CEP128: variants seen among roughly 807,000 people sequenced by gnomAD.
CEP128 encodes the protein centrosomal protein 128kDa.
Under a neutral mutation model 156.7 loss-of-function variants are expected in CEP128, and 132 were observed. The ratio of observed to expected loss-of-function variants is 0.84; its 90% CI spans 0.73 to 0.97. The LOEUF (loss-of-function observed/expected upper bound fraction) is 0.97, where lower values mean the gene tolerates loss of function less well. Among genes scored for constraint, CEP128 ranks in the 50% least tolerant of loss-of-function variants. The probability of loss-of-function intolerance (pLI) is 0.00; values close to 1 mark genes in which losing one functional copy is unlikely to be tolerated. For synonymous variants in CEP128, 469 were observed against 448.9 expected, an observed-to-expected ratio of 1.04 and a Z score of -0.57; for missense variants, 1,252 against 1,281.9, an observed-to-expected ratio of 0.98 and a Z score of 0.36.
At chr14:80,631,305 T>A (rs1893949770) in intron 19 of CEP128, among the ~76,000 whole-genome samples, 1 of 151,962 alleles carries the variant, frequency 6.6e-6, no homozygotes, top group Non-Finnish European at 1.5e-5. Context: ...CTTTGAAAAC[T>A]ATTACAAGAC....
At chr14:80,619,519 G>A (rs1893382043) in intron 19 of CEP128, among the ~76,000 whole-genome samples, 1 of 151,522 alleles carries the variant, frequency 6.6e-6, no homozygotes, top group Non-Finnish European at 1.5e-5. Context: ...GGCCACCACG[G>A]TGAAACCTCA....
intron 7 of CEP128, among the ~76,000 whole-genome samples, chr14:80,899,392 T>C (rs1275363252): frequency 2.0e-5 from 3 of 152,144 alleles, no homozygotes; most frequent in Non-Finnish European, 4.4e-5. Flanking sequence ...CCACTGGTGA[T>C]GACAAAAATG....
At chr14:80,629,004 T>G (rs919590382) in intron 19 of CEP128, among the ~76,000 whole-genome samples, 2 of 151,492 alleles carry the variant, frequency 1.3e-5, no homozygotes, top group Non-Finnish European at 2.9e-5. Context: ...AGTTCCTAAG[T>G]GAATAAATAC....
rs573225379 is a variant in CEP128, at chr14:80,876,318, C to T, written c.646-13445G>A. ...TACACCTTAAAAAAAAAGCATCAGG[C>T]CGGGCGCAGTGGCTCATGCCTGTAA... On this transcript the variant is annotated intron_variant, in intron 8 of 24. Transcript: ENST00000555265. Among the ~76,000 whole-genome samples, 5 of 152,142 alleles carry T rather than the reference C, an allele frequency of 3.3e-5. No homozygotes were observed. In the East Asian group the frequency reaches 9.6e-4, roughly 29 times the overall value.
chr14:80,615,848 C>CAAATAAAT lies in CEP128; in HGVS notation c.2807-35433_2807-35426dup, dbSNP rs56839383. Among the ~76,000 whole-genome samples, 1,470 of 149,246 alleles carry CAAATAAAT rather than the reference C, an allele frequency of 9.8e-3. 4 individuals are homozygous for CAAATAAAT. Among genetic ancestry groups the CAAATAAAT allele is most frequent in the Non-Finnish European group, 0.014 (949 of 67,452 alleles). On this transcript the variant is annotated intron_variant, in intron 19 of 24. Coordinates refer to ENST00000555265, the MANE Select transcript of CEP128 (RefSeq NM_152446.5). Reference sequence around the variant, plus strand: ...GGGCAACAAGAGTAAAACTCCATCTCAAATAAATAAATAAATAAATAAATA... The same window carrying CAAATAAAT: ...GGGCAACAAGAGTAAAACTCCATCTCAAATAAATAAATAAATAAATAAATAAATAAATA...
intron 22 of CEP128, among the ~76,000 whole-genome samples, chr14:80,528,849 A>G (rs894256930): frequency 6.6e-6 from 1 of 152,168 alleles, no homozygotes; most frequent in African/African-American, 2.4e-5. Context: ...TTCACGCCAC[A>G]CTGATTTTTA....
intron 19 of CEP128, among the ~76,000 whole-genome samples, chr14:80,697,973 C>G (rs1896946189): frequency 6.6e-6 from 1 of 151,704 alleles, no homozygotes; most frequent in African/African-American, 2.4e-5. Flanking sequence ...AGAAATTTTT[C>G]TTTGACTCTT....
At chr14:80,781,364 G>A (rs565720219) in intron 15 of CEP128, among the ~76,000 whole-genome samples, 7 of 151,342 alleles carry the variant, frequency 4.6e-5, no homozygotes, top group South Asian at 2.1e-4. Context: ...GGCTGAGGCA[G>A]GAGAATTGCT....
chr14:80,744,662 C>T (rs1595335376), intron 18 of CEP128, among the ~76,000 whole-genome samples: 2 of 152,144 alleles, frequency 1.3e-5, no homozygotes, highest in African/African-American at 4.8e-5. Context: ...CAGAAAAACA[C>T]TGCCAAGAAA....
At chr14:80,891,606 C>T (rs1334486160) in intron 8 of CEP128, among the ~76,000 whole-genome samples, 2 of 149,030 alleles carry the variant, frequency 1.3e-5, no homozygotes, top group Non-Finnish European at 3.0e-5. Context: ...AAAAAAATAG[C>T]TGGAAAGAAT....
chr14:80,629,125 T>C (rs535674077), intron 19 of CEP128, among the ~76,000 whole-genome samples: 2 of 145,596 alleles, frequency 1.4e-5, no homozygotes, highest in East Asian at 4.0e-4. Context: ...GTTTCTACAA[T>C]TCACTACTTT....
At chr14:80,618,007 G>T (rs959314476) in intron 19 of CEP128, among the ~76,000 whole-genome samples, 5 of 152,098 alleles carry the variant, frequency 3.3e-5, no homozygotes, top group Non-Finnish European at 5.9e-5. Context: ...CTATTTTAAA[G>T]GATTTAATTA....
chr14:80,537,662 G>T (rs1047832650), intron 21 of CEP128, among the ~76,000 whole-genome samples: 1 of 152,052 alleles, frequency 6.6e-6, no homozygotes, highest in African/African-American at 2.4e-5. Flanking sequence ...AAATTTCAGA[G>T]CGTTTGCAAA....
At chr14:80,947,486 GC>G (rs77503254) in intron 2 of CEP128, among the ~76,000 whole-genome samples, 30,893 of 152,024 alleles carry the variant, frequency 0.2, 3,267 homozygotes, top group Admixed American at 0.27. Context: ...AAATGAATAT[GC>G]TAAGCCCTTT....
At chr14:80,535,752 G>T (rs1288854002) in intron 21 of CEP128, among the ~76,000 whole-genome samples, 1 of 151,954 alleles carries the variant, frequency 6.6e-6, no homozygotes, top group Non-Finnish European at 1.5e-5. Flanking sequence ...CATACTACCT[G>T]GCCACTAAGA....
chr14:80,807,917 C>G (rs762558821), intron 13 of CEP128, among the ~76,000 whole-genome samples: 1 of 152,142 alleles, frequency 6.6e-6, no homozygotes, highest in Non-Finnish European at 1.5e-5. Flanking sequence ...CTGGCTGAAC[C>G]CAAAGATAGT....
chr14:80,588,786 T>C (rs185635965), intron 19 of CEP128, among the ~76,000 whole-genome samples: 8 of 152,220 alleles, frequency 5.3e-5, no homozygotes, highest in Admixed American at 2.0e-4. Context: ...AAAAACATTA[T>C]GTTTTCATTC....
chr14:80,731,946 A>T (rs1898291585), intron 19 of CEP128, among the ~76,000 whole-genome samples: 1 of 152,180 alleles, frequency 6.6e-6, no homozygotes, highest in Non-Finnish European at 1.5e-5. Flanking sequence ...TTGAAAGAAC[A>T]GACCTAAGTG....
chr14:80,737,816 AG>A (rs1898613130), intron 19 of CEP128, among the ~76,000 whole-genome samples: 1 of 151,900 alleles, frequency 6.6e-6, no homozygotes, highest in African/African-American at 2.4e-5. Context: ...CTTGAGCCTG[AG>A]GGGTCAAGGC....
Sources: gnomAD v4.1 joint callset for allele counts (sites outside exome capture counted in the v4.1 genomes callset) on GRCh38, gnomAD v4.1.1 for gene constraint, MANE v1.5 for transcripts, NCBI Gene and HGNC (gene_info 2026-07-23, HGNC 2026-07-21) for gene names.